Variants in MYZAP observed in about 807,000 individuals in gnomAD.
The protein encoded by MYZAP is GRINL1A complex locus upstream.
In MYZAP, 66 loss-of-function variants were observed where a neutral mutation model predicts 69.4. That is an observed-to-expected ratio of 0.95 (90% CI 0.78 to 1.17). The LOEUF (loss-of-function observed/expected upper bound fraction) is 1.17, where lower values mean the gene tolerates loss of function less well. Ranked by LOEUF, MYZAP falls within the 50% of genes most tolerant of loss-of-function variation. The pLI is 0.00. For missense variants in MYZAP, 611 were observed against 556.2 expected (o/e 1.10, Z -0.99); for synonymous variants, 256 against 205.9 (o/e 1.24, Z -2.09).
intron 1 of MYZAP, 60 bp downstream of exon 1, chr15:57,592,169 AG>A (rs2140298944): frequency 8.0e-7 from 1 of 1,248,880 alleles, no homozygotes; most frequent in African/African-American, 1.6e-5. Flanking sequence ...CGCCCCCTCT[AG>A]AGGGGACTAG....
intron 10 of MYZAP, chr15:57,647,814 G>A: frequency 1.0e-6 from 1 of 985,352 alleles, no homozygotes; most frequent in Non-Finnish European, 1.2e-6. Context: ...ACCTACCTCA[G>A]CCTGCTCTTG....
Position 57,629,638 on chromosome 15 carries a change from G to A in MYZAP, c.526-64G>A, listed in dbSNP as rs149841140. ...TAATGATAAGGGGATGCCCCAGCAT[G>A]TGGTGCAGCCCATGTGTTTTCACGC... On this transcript the variant is annotated intron_variant, in intron 5 of 12. Transcript: ENST00000267853. 440 of 1,559,034 alleles carry A rather than the reference G, an allele frequency of 2.8e-4. 1 individual carries two copies. In the African/African-American group the frequency reaches 5.8e-3, roughly 21 times the overall value.
At chr15:57,607,536 T>C (rs1184281919) in intron 2 of MYZAP, among the ~76,000 whole-genome samples, 1 of 152,006 alleles carries the variant, frequency 6.6e-6, no homozygotes, top group Non-Finnish European at 1.5e-5. Context: ...GGGGCCCAAG[T>C]CCTCCCAGTC....
chr15:57,609,890 G>A (rs2034996113), intron 2 of MYZAP, among the ~76,000 whole-genome samples: 1 of 152,130 alleles, frequency 6.6e-6, no homozygotes, highest in Admixed American at 6.5e-5. Flanking sequence ...CTGAATTTAT[G>A]TATCCATATT....
intron 12 of MYZAP, among the ~76,000 whole-genome samples, chr15:57,675,642 A>G (rs2039080011): frequency 6.6e-6 from 1 of 152,176 alleles, no homozygotes; most frequent in Admixed American, 6.5e-5. Context: ...TGTGATAACT[A>G]TAACCTGGTT....
Position 57,672,433 on chromosome 15 carries a change from A to G in MYZAP, c.1204-2535A>G, listed in dbSNP as rs186868225. On this transcript the variant is annotated intron_variant, in intron 11 of 12. Coordinates refer to ENST00000267853, the MANE Select transcript of MYZAP (RefSeq NM_001018100.5). ...CTTGCCTGTCTTTGTTCACTTCTCTAGAGATCTCATTAGTTGTTTCTAATC... is the reference window on the plus strand; with the variant it reads ...CTTGCCTGTCTTTGTTCACTTCTCTGGAGATCTCATTAGTTGTTTCTAATC... Among the ~76,000 whole-genome samples, 85 of 152,162 alleles carry G rather than the reference A, an allele frequency of 5.6e-4. 1 individual carries two copies. Among genetic ancestry groups the G allele is most frequent in the Non-Finnish European group, 1.1e-3 (72 of 67,960 alleles).
At chr15:57,609,419 C>G (rs1203070117) in intron 2 of MYZAP, among the ~76,000 whole-genome samples, 6 of 152,168 alleles carry the variant, frequency 3.9e-5, no homozygotes, top group Admixed American at 3.9e-4. Context: ...GCTGGTAGCT[C>G]TTGGTAATCC....
intron 10 of MYZAP, among the ~76,000 whole-genome samples, chr15:57,644,248 C>T (rs557872836): frequency 6.6e-6 from 1 of 152,106 alleles, no homozygotes; most frequent in Non-Finnish European, 1.5e-5. Context: ...GCTCCTATGC[C>T]TGAGGTGGGA....
At chr15:57,610,174 AG>A (rs1456272045) in intron 2 of MYZAP, among the ~76,000 whole-genome samples, 2 of 152,248 alleles carry the variant, frequency 1.3e-5, no homozygotes, top group African/African-American at 4.8e-5. Flanking sequence ...TTGTTTTTAA[AG>A]AAGCTGTTTT....
chr15:57,621,874 A>C (rs1274069887), intron 4 of MYZAP, among the ~76,000 whole-genome samples, 174 bp downstream of exon 4: 1 of 152,210 alleles, frequency 6.6e-6, no homozygotes, highest in East Asian at 1.9e-4. Flanking sequence ...CCTAAAGGGA[A>C]ATTTTTATGG....
chr15:57,646,773 T>C, intron 10 of MYZAP: 6 of 985,478 alleles, frequency 6.1e-6, no homozygotes, highest in Non-Finnish European at 7.2e-6. Context: ...AAGAGGAGTT[T>C]AGCTTGCTTC....
At chr15:57,597,493 C>T (rs1221367065) in intron 1 of MYZAP, among the ~76,000 whole-genome samples, 1 of 152,116 alleles carries the variant, frequency 6.6e-6, no homozygotes, top group Non-Finnish European at 1.5e-5. Flanking sequence ...GTCCCTTGAG[C>T]CTTGTGGGAT....
At chr15:57,596,586 G>A (rs1595844809) in intron 1 of MYZAP, among the ~76,000 whole-genome samples, 1 of 152,102 alleles carries the variant, frequency 6.6e-6, no homozygotes, top group Non-Finnish European at 1.5e-5. Flanking sequence ...TAAAGGCCGG[G>A]GTGATCTTTC....
At chr15:57,607,919 G>A (rs1005976155) in intron 2 of MYZAP, among the ~76,000 whole-genome samples, 1 of 152,136 alleles carries the variant, frequency 6.6e-6, no homozygotes, top group Non-Finnish European at 1.5e-5. Flanking sequence ...ACTCTGTAGG[G>A]GCCACTTCCT....
intron 10 of MYZAP, chr15:57,646,920 T>G: frequency 1.0e-6 from 1 of 985,430 alleles, no homozygotes; most frequent in Non-Finnish European, 1.2e-6. Flanking sequence ...TATAGAGGTC[T>G]TTCTTGAGAT....
intron 1 of MYZAP, among the ~76,000 whole-genome samples, chr15:57,593,212 A>ACACACACACACACT (rs770540454): frequency 1.2e-4 from 15 of 124,990 alleles, no homozygotes; most frequent in South Asian, 5.1e-4. Context: ...ACACACACAC[A>ACACACACACACACT]CACCCCAGAA....
intron 1 of MYZAP, among the ~76,000 whole-genome samples, chr15:57,593,190 A>ATGCGCGCGCGCGCGCGCGCGCGCGCC: frequency 9.2e-6 from 1 of 108,332 alleles, no homozygotes; most frequent in African/African-American, 3.4e-5. Context: ...ACACAGGCGC[A>ATGCGCGCGCGCGCGCGCGCGCGCGCC]CACACACACA....
chr15:57,633,808 C>T (rs969359759), intron 8 of MYZAP, 67 bp downstream of exon 8: 35 of 1,377,000 alleles, frequency 2.5e-5, no homozygotes, highest in African/African-American at 1.9e-4. Context: ...ATCTGAGATA[C>T]GAGAGGCCCT....
At chr15:57,619,485 C>T (rs2035678861) in intron 3 of MYZAP, among the ~76,000 whole-genome samples, 1 of 152,172 alleles carries the variant, frequency 6.6e-6, no homozygotes, top group Non-Finnish European at 1.5e-5. Context: ...TCAAGTGATC[C>T]TCCTGCCTCA....
Sources: allele counts gnomAD v4.1 joint callset (sites outside exome capture counted in the v4.1 genomes callset), GRCh38; gene constraint gnomAD v4.1.1; transcripts MANE v1.5; gene names NCBI Gene and HGNC (gene_info 2026-07-23, HGNC 2026-07-21).